The following UGGT2 variants were observed in gnomAD, a reference collection of about 807,000 sequenced individuals.
The protein encoded by UGGT2 is UDP-glucose:glycoprotein glucosyltransferase 2.
A neutral mutation model predicts 192.1 loss-of-function variants in UGGT2; 180 were observed. That is an observed-to-expected ratio of 0.94 (90% CI 0.83 to 1.06). The LOEUF is 1.06. Ranked by LOEUF, UGGT2 falls within the 50% of genes least tolerant of loss-of-function variation. The pLI is 0.00. For missense variants in UGGT2, 1,849 were observed against 1,795.7 expected (o/e 1.03, Z -0.54); for synonymous variants, 580 against 591.0 (o/e 0.98, Z 0.27).
At chr13:95,960,264 C>T (rs1477847003) in intron 12 of UGGT2, among the ~76,000 whole-genome samples, 1 of 152,100 alleles carries the variant, frequency 6.6e-6, no homozygotes, top group Non-Finnish European at 1.5e-5. Context: ...TTTATGAAAT[C>T]CCAGAAAAAC....
chr13:96,010,566 TA>T (rs1318169621), intron 5 of UGGT2, among the ~76,000 whole-genome samples: 13 of 150,762 alleles, frequency 8.6e-5, no homozygotes, highest in South Asian at 8.4e-4. Context: ...AAAATAAGGT[TA>T]AAAAAAAATA....
rs775311823 is a variant in UGGT2 at position 95,947,044 on chromosome 13, A to G, written c.1670T>C (p.Ile557Thr). The G allele has an allele frequency of 3.1e-6, 5 of 1,597,004 alleles. No individual in the cohort carries two copies. The highest frequency in any genetic ancestry group is 4.3e-6 in the Non-Finnish European group (5 of 1,175,024). The change falls in exon 15 of 39, where the codon ATA (isoleucine) becomes ACA (threonine). Residue 557 changes from isoleucine to threonine, a missense_variant. By Grantham distance (89) the Ile-to-Thr change is moderately conservative. Transcript: ENST00000376747. ...EFDISEAFIS[I>T]VHMYQKVKKD... is the part of the protein sequence containing the mutation. ...TTTAGTGCATAAACTCACGTGTACT[A>G]TAGAAATAAATGCTTCTGATATATC...
chr13:96,015,734 TA>T (rs2052316320), intron 4 of UGGT2, among the ~76,000 whole-genome samples: 1 of 152,220 alleles, frequency 6.6e-6, no homozygotes, highest in East Asian at 1.9e-4. Flanking sequence ...AATATACATG[TA>T]CTTACCTAGA....
chr13:95,992,236 T>C (rs2051480709), intron 7 of UGGT2, among the ~76,000 whole-genome samples: 2 of 152,064 alleles, frequency 1.3e-5, no homozygotes. Context: ...CTGTGAAAAA[T>C]GACATTGGTA....
intron 4 of UGGT2, among the ~76,000 whole-genome samples, chr13:96,020,700 T>C (rs2052488838): frequency 6.6e-6 from 1 of 151,994 alleles, no homozygotes; most frequent in Non-Finnish European, 1.5e-5. Flanking sequence ...TGGGAAGAAA[T>C]GTAAGTATTG....
intron 24 of UGGT2, among the ~76,000 whole-genome samples, chr13:95,894,290 T>C (rs184846717): frequency 1.3e-4 from 20 of 152,308 alleles, no homozygotes; most frequent in Non-Finnish European, 2.8e-4. Context: ...AAATTACAAA[T>C]GATCTTAAGT....
chr13:95,862,893 C>T (rs1054692552), intron 31 of UGGT2, among the ~76,000 whole-genome samples: 2 of 152,128 alleles, frequency 1.3e-5, no homozygotes, highest in African/African-American at 4.8e-5. Context: ...GACAGGGTCT[C>T]ACTCTGTCAC....
intron 16 of UGGT2, 91 bp downstream of exon 16, chr13:95,939,866 C>CT (rs1168813663): frequency 1.9e-5 from 22 of 1,141,408 alleles, no homozygotes; most frequent in Admixed American, 6.0e-5. Flanking sequence ...GTGAGTCTGA[C>CT]TTTTTTTAAA....
intron 12 of UGGT2, among the ~76,000 whole-genome samples, chr13:95,968,521 T>C (rs1312532138): frequency 6.6e-6 from 1 of 152,148 alleles, no homozygotes; most frequent in African/African-American, 2.4e-5. Flanking sequence ...TGTCTTGGTG[T>C]TGTCTTTGTG....
At chr13:96,002,554 T>C (rs2051840130) in intron 5 of UGGT2, among the ~76,000 whole-genome samples, 1 of 152,202 alleles carries the variant, frequency 6.6e-6, no homozygotes, top group Admixed American at 6.5e-5. Context: ...TATGTAATCA[T>C]TTACAAACTG....
rs558753314 is a variant in UGGT2 at position 95,879,517 on chromosome 13, C to T, written c.3229-1661G>A. On this transcript the variant is annotated intron_variant, in intron 27 of 38. Transcript: ENST00000376747. ...GTGGCACGATCTCGGCTCACTGCAA[C>T]ATCCGCCTCCCGGGCTTAAGCGATT... 9.1e-4 allele frequency among the ~76,000 whole-genome samples: 139 copies of T among 152,330 alleles called. 1 individual carries two copies. The highest frequency in any genetic ancestry group is 3.2e-3 in the African/African-American group (134 of 41,588).
chr13:95,863,832 G>A (rs1478044681), intron 30 of UGGT2, 118 bp from the exon 31 acceptor site: 1 of 779,808 alleles, frequency 1.3e-6, no homozygotes, highest in South Asian at 1.6e-5. Context: ...GACAGTTGCA[G>A]TAACCAAAGA....
Position 95,859,661 on chromosome 13 carries a change from G to A in UGGT2, c.3755C>T (p.Ser1252Phe), listed in dbSNP as rs1368054557. The A allele has an allele frequency of 6.2e-7, 1 of 1,608,734 alleles. No individual in the cohort carries two copies. The highest frequency in any genetic ancestry group is 8.5e-7 in the Non-Finnish European group (1 of 1,177,096). ...YERFLRIMML[S>F]VLRNTKTPVK... is the part of the protein sequence containing the mutation. The stretch of plus-strand genomic sequence containing the variant: ...TGGTGTTTTGGTGTTACGCAAAACA[G>A]AAAGCATCATAATTCTGTATAAAAG... Residue 1252 changes from serine (S) to phenylalanine (F), a missense_variant, in exon 33 of 39, where the codon TCT becomes TTT. Physicochemically the swap from Ser to Phe is radical, Grantham distance 155 (BLOSUM62 -2). Coordinates refer to ENST00000376747, the MANE Select transcript of UGGT2 (RefSeq NM_020121.4).
intron 1 of UGGT2, among the ~76,000 whole-genome samples, chr13:96,043,566 T>TA (rs2139209392): frequency 6.6e-6 from 1 of 152,260 alleles, no homozygotes; most frequent in African/African-American, 2.4e-5. Context: ...ACTTAAAAGA[T>TA]ACAGAACTGC....
chr13:95,883,697 C>A (rs955505151), intron 27 of UGGT2, among the ~76,000 whole-genome samples: 4 of 152,042 alleles, frequency 2.6e-5, no homozygotes, highest in Admixed American at 6.6e-5. Context: ...CCTAGCCATG[C>A]GAAACTGTGA....
chr13:95,935,696 T>A (rs1399702831), intron 17 of UGGT2, among the ~76,000 whole-genome samples: 2 of 152,228 alleles, frequency 1.3e-5, no homozygotes, highest in Admixed American at 1.3e-4. Context: ...TGAGGGAAAT[T>A]TTCTTGAATT....
chr13:96,004,176 GA>G (rs35910583), intron 5 of UGGT2, among the ~76,000 whole-genome samples: 53,854 of 139,440 alleles, frequency 0.39, 10,574 homozygotes, highest in Admixed American at 0.48. Context: ...GCAACTCTAG[GA>G]AAAAAAAAAA....
rs142205037 is a variant in UGGT2, at chr13:95,895,188, G to A, written c.2751C>T (p.Asn917=). The A allele has an allele frequency of 6.9e-3, 10,962 of 1,579,024 alleles. 154 individuals are homozygous for A. Among genetic ancestry groups the A allele is most frequent in the Admixed American group, 0.049 (2,423 of 49,630 alleles). ...IKGIVENMGI[N]ANNMSDFIMK... The stretch of plus-strand genomic sequence containing the variant: ...AGAACTTATATACTCACTTATTTGC[G>A]TTGATTCCCATATTTTCAACAATGC... The change falls in exon 23 of 39, where the codon AAC becomes AAT. Residue 917 remains asparagine, a synonymous_variant. Coordinates refer to ENST00000376747, the MANE Select transcript of UGGT2 (RefSeq NM_020121.4).
intron 17 of UGGT2, 139 bp from the exon 18 acceptor site, chr13:95,927,475 T>A: frequency 6.4e-6 from 5 of 785,734 alleles, no homozygotes; most frequent in Non-Finnish European, 5.6e-6. Context: ...TCTTTCTTTT[T>A]TTTTTTTTTT....
Sources: gnomAD v4.1 joint callset for allele counts (sites outside exome capture counted in the v4.1 genomes callset) on GRCh38, gnomAD v4.1.1 for gene constraint, MANE v1.5 for transcripts, NCBI Gene and HGNC (gene_info 2026-07-23, HGNC 2026-07-21) for gene names.